Variants in CMYA5 observed in about 807,000 individuals in gnomAD.
CMYA5 encodes cardiomyopathy associated 5, also known as cardiomyopathy-associated protein 5.
In CMYA5, 246 loss-of-function variants were observed where a neutral mutation model predicts 318.9. That is an observed-to-expected ratio of 0.77 (90% CI 0.70 to 0.86). The LOEUF is 0.86. CMYA5 is among the 40% of genes least tolerant of loss of function. The pLI, the probability that CMYA5 is intolerant of heterozygous loss-of-function variation, is 0.00. For synonymous variants in CMYA5, 1,641 were observed against 1,729.5 expected, an observed-to-expected ratio of 0.95 and a Z score of 1.27; for missense variants, 4,589 against 4,678.2, an observed-to-expected ratio of 0.98 and a Z score of 0.56.
rs766402247 is a variant in CMYA5 at position 79,763,085 on chromosome 5, G to T, written c.11431G>T (p.Ala3811Ser). The change falls in exon 9 of 13, where the codon GCT becomes TCT. Residue 3811 changes from alanine (A) to serine (S), a missense_variant. Around this residue, in one of 3 missense-constraint regions of CMYA5, gnomAD observed 2,431 missense variants for 2,495.1 expected, o/e 0.97. Coordinates refer to ENST00000446378, the MANE Select transcript of CMYA5 (RefSeq NM_153610.5). ...RTAPSTPVIR[A>S]EDCTVCWNTA... Reference sequence around the variant, plus strand: ...AGCACCCTCCACCCCTGTGATCCGCGCTGAGGACTGTACTGTGTGTTGGAA... The same window carrying T: ...AGCACCCTCCACCCCTGTGATCCGCTCTGAGGACTGTACTGTGTGTTGGAA... 6.2e-7 allele frequency: 1 copy of T among 1,613,788 alleles called. No individual in the cohort carries two copies. The highest frequency in any genetic ancestry group is 2.2e-5 in the East Asian group (1 of 44,866).
At position 79,735,723 on chromosome 5, in the gene CMYA5, T is replaced by C. The variant is rs77264196; in HGVS notation, c.6958T>C (p.Tyr2320His). ...TGGTGAGAACCTTGAAATTCAATCTTATTCACTAATCGGTGAGAAATTGGT... is the reference window on the plus strand; with the variant it reads ...TGGTGAGAACCTTGAAATTCAATCTCATTCACTAATCGGTGAGAAATTGGT... The part of the protein sequence containing the change: ...ADGENLEIQS[Y>H]SLIGEKLVME... Residue 2320 changes from tyrosine (Y) to histidine (H), a missense_variant, in exon 2 of 13, where the codon TAT becomes CAT. Tyr to His is a moderately conservative substitution (Grantham distance 83). Around this residue, in one of 3 missense-constraint regions of CMYA5, gnomAD observed 2,431 missense variants for 2,495.1 expected, o/e 0.97. Coordinates refer to ENST00000446378, the MANE Select transcript of CMYA5 (RefSeq NM_153610.5). The C allele has an allele frequency of 1.2e-3, 1,981 of 1,597,340 alleles. 49 individuals carry two copies. In the East Asian group the frequency reaches 0.039, roughly 32 times the overall value.
chr5:79,757,056 G>A (rs61466367), intron 6 of CMYA5, among the ~76,000 whole-genome samples: 18,104 of 151,828 alleles, frequency 0.12, 1,216 homozygotes, highest in East Asian at 0.28. Context: ...TGAGCTGGGC[G>A]TGGTAGTGGG....
rs764700022 is a variant in CMYA5, at chr5:79,732,885, C to G, written c.4120C>G (p.Pro1374Ala). Reference protein sequence around the residue: ...NLTRAVKEEIPTDSSLITPVD... With the variant: ...NLTRAVKEEIATDSSLITPVD... ...AACCAGAGCAGTAAAAGAAGAAATC[C>G]CAACAGATTCATCTCTTATCACTCC... The change falls in exon 2 of 13, where the codon CCA becomes GCA. Residue 1374 changes from proline to alanine, a missense_variant. By Grantham distance (27) the Pro-to-Ala change is conservative. Coordinates refer to ENST00000446378, the MANE Select transcript of CMYA5 (RefSeq NM_153610.5). The G allele has an allele frequency of 1.9e-6, 3 of 1,613,696 alleles. No homozygotes were observed. The highest frequency in any genetic ancestry group is 8.5e-7 in the Non-Finnish European group (1 of 1,179,790).
intron 12 of CMYA5, among the ~76,000 whole-genome samples, chr5:79,795,104 T>C (rs942830000): frequency 6.6e-6 from 1 of 152,194 alleles, no homozygotes; most frequent in Non-Finnish European, 1.5e-5. Context: ...GACAAAATTA[T>C]GTATTTTGTT....
intron 2 of CMYA5, 26 bp from the exon 3 acceptor site, chr5:79,743,801 A>G: frequency 8.0e-7 from 1 of 1,245,936 alleles, no homozygotes; most frequent in Non-Finnish European, 1.1e-6. Context: ...GTCATATACT[A>G]AGGATATCTT....
At position 79,729,756 on chromosome 5, in the gene CMYA5, C is replaced by T; in HGVS notation, c.991C>T (p.Pro331Ser). The T allele has an allele frequency of 6.2e-7, 1 of 1,613,916 alleles. No homozygotes were observed. The highest frequency in any genetic ancestry group is 8.5e-7 in the Non-Finnish European group (1 of 1,179,872). ...EDQKKIYADS[P>S]LNATSALEHT... Reference sequence around the variant, plus strand: ...TCAAAAGAAAATTTATGCTGATTCTCCCCTAAATGCCACATCTGCATTGGA... The same window carrying T: ...TCAAAAGAAAATTTATGCTGATTCTTCCCTAAATGCCACATCTGCATTGGA... Residue 331 changes from proline to serine, a missense_variant, in exon 2 of 13, where the codon CCC (proline) becomes TCC (serine). By Grantham distance (74) the Pro-to-Ser change is moderately conservative. Transcript: ENST00000446378.
In CMYA5 at chr5:79,799,404, G is replaced by A; in HGVS notation, c.11998G>A (p.Val4000Ile). Residue 4000 changes from valine to isoleucine, a missense_variant, in exon 13 of 13, where the codon GTT (valine) becomes ATT (isoleucine). Physicochemically the swap from Val to Ile is conservative, Grantham distance 29. Transcript: ENST00000446378. The part of the protein sequence containing the change: ...TFFYSGIVSD[V>I]HVTERPARVG... Reference sequence around the variant, plus strand: ...TTTCTACAGTGGTATTGTGAGTGATGTTCATGTGACTGAGCGTCCAGCCAG... The same window carrying A: ...TTTCTACAGTGGTATTGTGAGTGATATTCATGTGACTGAGCGTCCAGCCAG... 6.2e-7 allele frequency: 1 copy of A among 1,613,316 alleles called. No homozygotes were observed. Among genetic ancestry groups the A allele is most frequent in the Non-Finnish European group, 8.5e-7 (1 of 1,179,312 alleles).
rs367919940 is a variant in CMYA5 at position 79,739,386 on chromosome 5, G to C, written c.10621G>C (p.Ala3541Pro). The change falls in exon 2 of 13, where the codon GCT (alanine) becomes CCT (proline). Residue 3541 changes from alanine (A) to proline (P), a missense_variant. This residue lies in a region of CMYA5 where 2,431 missense variants were observed against 2,495.1 expected (regional missense o/e 0.97). Coordinates refer to ENST00000446378, the MANE Select transcript of CMYA5 (RefSeq NM_153610.5). Reference protein sequence around the residue: ...KDHEVSTLDTAISAVKVQLAE... With the variant: ...KDHEVSTLDTPISAVKVQLAE... ...CCATGAAGTTTCAACGCTTGACACA[G>C]CTATAAGTGCTGTAAAGGTAAATAG... The C allele has an allele frequency of 3.3e-6, 5 of 1,537,050 alleles. No homozygotes were observed. The highest frequency in any genetic ancestry group is 4.4e-6 in the Non-Finnish European group (5 of 1,142,472).
chr5:79,737,516 T>C lies in CMYA5; in HGVS notation c.8751T>C (p.Pro2917=). 2 of 1,613,502 alleles carry C rather than the reference T, an allele frequency of 1.2e-6. No homozygotes were observed. The highest frequency in any genetic ancestry group is 1.7e-6 in the Non-Finnish European group (2 of 1,179,732). ...MVSNKEMPKE[P]EDTYAKGEDF... ...CTAATAAAGAAATGCCCAAGGAACC[T>C]GAAGACACATATGCAAAAGGTGAAG... The change falls in exon 2 of 13, where the codon CCT becomes CCC. Residue 2917 remains proline (P), a synonymous_variant. Coordinates refer to ENST00000446378, the MANE Select transcript of CMYA5 (RefSeq NM_153610.5).
chr5:79,754,207 A>C (rs574924805), intron 6 of CMYA5, among the ~76,000 whole-genome samples: 13 of 152,314 alleles, frequency 8.5e-5, no homozygotes, highest in African/African-American at 3.1e-4. Context: ...GTTTTTGTGC[A>C]TTTGGTGACA....
chr5:79,710,486 T>G (rs1648543220), intron 1 of CMYA5, among the ~76,000 whole-genome samples: 1 of 152,146 alleles, frequency 6.6e-6, no homozygotes, highest in South Asian at 2.1e-4. Context: ...GAAAAAATGT[T>G]CAGAATGTAT....
rs1828029543 is a variant in CMYA5, at chr5:79,735,269, G to A, written c.6504G>A (p.Glu2168=). 1 of 1,613,748 alleles carries A rather than the reference G, an allele frequency of 6.2e-7. No homozygotes were observed. The highest frequency in any genetic ancestry group is 1.1e-5 in the South Asian group (1 of 91,072). ...AGGTGGCTAAGCCGGACCTTCCTGA[G>A]GAAAAGGGAAAGAAAGGAATTTCAT... is the stretch of plus-strand genomic sequence containing the variant. ...QPKVAKPDLP[E]EKGKKGISSF... Residue 2168 remains glutamate, a synonymous_variant, in exon 2 of 13, where the codon GAG becomes GAA. Transcript: ENST00000446378.
At chr5:79,699,500 T>C (rs13162893) in intron 1 of CMYA5, among the ~76,000 whole-genome samples, 25,013 of 152,182 alleles carry the variant, frequency 0.16, 2,483 homozygotes, top group East Asian at 0.36. Context: ...CATTTTTGAA[T>C]AGATCCTTTC....
intron 1 of CMYA5, among the ~76,000 whole-genome samples, chr5:79,714,023 C>T (rs1046368476): frequency 2.0e-5 from 3 of 152,098 alleles, no homozygotes; most frequent in African/African-American, 7.2e-5. Flanking sequence ...CTGTCCAAAG[C>T]CCTAGGAAAG....
chr5:79,778,145 T>A (rs1401191977), intron 9 of CMYA5: 1 of 152,104 alleles, frequency 6.6e-6, no homozygotes, highest in African/African-American at 2.4e-5. Flanking sequence ...AAGAATATAA[T>A]TTAACTTATT....
In CMYA5 at chr5:79,745,174, ATTTCTTG is replaced by A. The variant is rs1294807559; in HGVS notation, c.10735-43_10735-37del. On this transcript the variant is annotated intron_variant, in intron 3 of 12. Transcript: ENST00000446378. ...GTTTCCAAAAAAAAAAAAAAGCAGCATTTCTTGTTTCATTCAGAAGTGGGCTTTTTTG... is the reference window on the plus strand; with the variant it reads ...GTTTCCAAAAAAAAAAAAAAGCAGCATTTCATTCAGAAGTGGGCTTTTTTG... 16 of 1,233,400 alleles carry A rather than the reference ATTTCTTG, an allele frequency of 1.3e-5. 1 individual carries two copies. The highest frequency in any genetic ancestry group is 9.3e-5 in the African/African-American group (6 of 64,180). The allele number at this position is 1,233,400 out of a possible 1,614,324, so 76.4% of individuals were successfully genotyped here.
chr5:79,733,770 T>G lies in CMYA5; in HGVS notation c.5005T>G (p.Leu1669Val), dbSNP rs1561209317. 1 of 1,613,258 alleles carries G rather than the reference T, an allele frequency of 6.2e-7. No homozygotes were observed. Among genetic ancestry groups the G allele is most frequent in the South Asian group, 1.1e-5 (1 of 91,018 alleles). ...CATAACTGAAACAGAGGATTCTGTT[T>G]TAGAAAAAGGCCCAGCTGAGCTTAG... ...SPITETEDSV[L>V]EKGPAELRSR... Residue 1669 changes from leucine (L) to valine (V), a missense_variant, in exon 2 of 13, where the codon TTA becomes GTA. Around this residue, in one of 3 missense-constraint regions of CMYA5, gnomAD observed 2,132 missense variants for 2,131.3 expected, o/e 1.00. Transcript: ENST00000446378.
At chr5:79,706,300 A>G (rs1465730390) in intron 1 of CMYA5, among the ~76,000 whole-genome samples, 7 of 152,224 alleles carry the variant, frequency 4.6e-5, no homozygotes, top group Non-Finnish European at 1.0e-4. Flanking sequence ...GAAGTACAGT[A>G]TACAGAGATA....
At position 79,732,649 on chromosome 5, in the gene CMYA5, C is replaced by T. The variant is rs4704585; in HGVS notation, c.3884C>T (p.Ala1295Val). The T allele has an allele frequency of 0.41, 662,451 of 1,611,884 alleles. 143,863 individuals are homozygous for T. Among genetic ancestry groups the T allele is most frequent in the African/African-American group, 0.74 (55,560 of 74,896 alleles). Residue 1295 changes from alanine to valine, a missense_variant, in exon 2 of 13, where the codon GCT becomes GTT. Physicochemically the swap from Ala to Val is moderately conservative, Grantham distance 64 (BLOSUM62 0). Coordinates refer to ENST00000446378, the MANE Select transcript of CMYA5 (RefSeq NM_153610.5). ...GAAACATCTTTATCTGGACCTGAGG[C>T]TTTATCAGCAGTGAAAATGGAGATG... is the stretch of plus-strand genomic sequence containing the variant. The part of the protein sequence containing the change: ...LKETSLSGPE[A>V]LSAVKMEMKH...
Sources: allele counts gnomAD v4.1 joint callset (sites outside exome capture counted in the v4.1 genomes callset), GRCh38; gene constraint gnomAD v4.1.1; regional missense constraint gnomAD v4.1.1; transcripts MANE v1.5; gene names NCBI Gene and HGNC (gene_info 2026-07-23, HGNC 2026-07-21).